PHRF1: variants seen among roughly 807,000 people sequenced by gnomAD.
PHRF1 encodes the protein PHD and ring finger domains 1, also known as PHD and RING finger domain-containing protein 1.
PHRF1 carries 53 observed loss-of-function variants against 128.9 expected under a neutral mutation model. The ratio of observed to expected loss-of-function variants is 0.41; its 90% CI spans 0.33 to 0.52. The LOEUF is 0.52. PHRF1 is among the 20% of genes least tolerant of loss of function. The pLI, the probability that PHRF1 is intolerant of heterozygous loss-of-function variation, is 0.21. For synonymous variants in PHRF1, 1,178 were observed against 980.6 expected, an observed-to-expected ratio of 1.20 and a Z score of -3.76; for missense variants, 2,503 against 2,284.5, an observed-to-expected ratio of 1.10 and a Z score of -1.95.
chr11:603,788 G>GC (rs1233507242), intron 10 of PHRF1, among the ~76,000 whole-genome samples: 1 of 129,324 alleles, frequency 7.7e-6, no homozygotes, highest in Non-Finnish European at 1.5e-5. Flanking sequence ...AGGCTGGAGT[G>GC]CAGTAGTATG....
Position 604,663 on chromosome 11 carries a change from C to T in PHRF1, c.1153-456C>T, listed in dbSNP as rs112119506. 9.5e-3 allele frequency among the ~76,000 whole-genome samples: 1,439 copies of T among 152,118 alleles called. 18 individuals are homozygous for T. Among genetic ancestry groups the T allele is most frequent in the African/African-American group, 0.033 (1,362 of 41,476 alleles). On this transcript the variant is annotated intron_variant, in intron 10 of 17. Coordinates refer to ENST00000264555, the MANE Select transcript of PHRF1 (RefSeq NM_001286581.2). ...CTGAGTAGCTGGGATTACAGGCGTC[C>T]GCCACCAGGCCCAGCTAATTTTTGT...
intron 14 of PHRF1, 51 bp downstream of exon 14, chr11:609,771 C>T: frequency 8.0e-7 from 1 of 1,256,332 alleles, no homozygotes; most frequent in South Asian, 1.6e-5. Context: ...GTGAGTAAGG[C>T]CCTGGCCCCC....
chr11:594,609 A>G (rs113060621), intron 6 of PHRF1, among the ~76,000 whole-genome samples: 5,966 of 152,180 alleles, frequency 0.039, 402 homozygotes, highest in African/African-American at 0.14. Context: ...TTACAGGCAC[A>G]TGCCACCACA....
At chr11:601,751 C>G in intron 10 of PHRF1, 50 bp downstream of exon 10, 1 of 1,608,478 alleles carries the variant, frequency 6.2e-7, no homozygotes, top group East Asian at 2.2e-5. Context: ...ACAGCACCCT[C>G]GCGTGGTTAC....
In PHRF1 at chr11:597,149, CT is replaced by C. The variant is rs1855330029; in HGVS notation, c.718+130del. 2.8e-6 allele frequency: 3 copies of C among 1,083,966 alleles called. No homozygotes were observed. In the South Asian group the frequency reaches 4.5e-5, roughly 16 times the overall value. 67.1% of individuals were successfully genotyped at this position (1,083,966 alleles called of 1,614,324 possible). ...GCTGTCTCATGGGGGTTAGGGTTGG[CT>C]GCGGTGTCGGGAGGACATCTAGGGC... On this transcript the variant is annotated intron_variant, in intron 7 of 17. Coordinates refer to ENST00000264555, the MANE Select transcript of PHRF1 (RefSeq NM_001286581.2). This position sits in a 1 kb window ranked among gnomAD's most constrained non-coding sequence, Gnocchi z 6.5.
Position 608,239 on chromosome 11 carries a change from T to A in PHRF1, c.2783T>A (p.Leu928Gln). ...EREEPTESQGLAARLRRPSPP... is the reference protein window; with the variant it reads ...EREEPTESQGQAARLRRPSPP... ...GAGGAGCCCACAGAGAGCCAGGGCC[T>A]GGCTGCCCGGCTGCGGAGGCCATCC... The change falls in exon 14 of 18, where the codon CTG becomes CAG. Residue 928 changes from leucine (L) to glutamine (Q), a missense_variant. Transcript: ENST00000264555. 1 of 1,609,958 alleles carries A rather than the reference T, an allele frequency of 6.2e-7. No homozygotes were observed. The highest frequency in any genetic ancestry group is 1.1e-5 in the South Asian group (1 of 91,056).
rs369359432 is a variant in PHRF1 at position 610,507 on chromosome 11, A to G, written c.4423A>G (p.Ser1475Gly). Residue 1475 changes from serine (S) to glycine (G), a missense_variant, in exon 16 of 18, where the codon AGC (serine) becomes GGC (glycine). Physicochemically the swap from Ser to Gly is moderately conservative, Grantham distance 56. Transcript: ENST00000264555. ...GCAGGGGTGTCCCTCCCAGGTTTAC[A>G]GCCCCGGCCTGCCGCCTGCCCCGGC... ...FPDTDPSQVYSPGLPPAPAQP... is the reference protein window; with the variant it reads ...FPDTDPSQVYGPGLPPAPAQP... 6.2e-7 allele frequency: 1 copy of G among 1,602,462 alleles called. No individual in the cohort carries two copies. Among genetic ancestry groups the G allele is most frequent in the African/African-American group, 1.3e-5 (1 of 74,938 alleles).
chr11:581,552 C>T lies in PHRF1; in HGVS notation c.40C>T (p.Pro14Ser), dbSNP rs760382265. The T allele has an allele frequency of 8.1e-6, 13 of 1,613,388 alleles. No individual in the cohort carries two copies. Among genetic ancestry groups the T allele is most frequent in the Middle Eastern group, 1.6e-4 (1 of 6,082 alleles). ...CCTGGATGAGCTTGTGGCCCGGAGC[C>T]CAGGGCCGGATGGACACCCACAGGT... ...DSLDELVARS[P>S]GPDGHPQVGP... Residue 14 changes from proline to serine, a missense_variant, in exon 2 of 18, where the codon CCA becomes TCA. Pro to Ser is a moderately conservative substitution (Grantham distance 74). Transcript: ENST00000264555.
chr11:607,244 G>C lies in PHRF1; in HGVS notation c.1788G>C (p.Ala596=), dbSNP rs772093175. ...GGTCCCGCACCCCCGCCCGCACCGC[G>C]GGGGCGCCTGTGAGGCTGGACTTGC... The part of the protein sequence containing the change: ...QGRSRTPART[A]GAPVRLDLPA... The change falls in exon 14 of 18, where the codon GCG becomes GCC. Residue 596 remains alanine, a synonymous_variant. Coordinates refer to ENST00000264555, the MANE Select transcript of PHRF1 (RefSeq NM_001286581.2). The C allele has an allele frequency of 6.2e-6, 10 of 1,612,402 alleles. No individual in the cohort carries two copies. Among genetic ancestry groups the C allele is most frequent in the South Asian group, 2.2e-5 (2 of 91,068 alleles).
intron 4 of PHRF1, among the ~76,000 whole-genome samples, chr11:587,824 C>T (rs990198121): frequency 6.6e-6 from 1 of 152,176 alleles, no homozygotes. Context: ...ATGTGGTTCT[C>T]TCAGTTGATA....
Position 610,492 on chromosome 11 carries a change from C to A in PHRF1, c.4417-9C>A. The A allele has an allele frequency of 6.2e-7, 1 of 1,600,718 alleles. No homozygotes were observed. The highest frequency in any genetic ancestry group is 8.5e-7 in the Non-Finnish European group (1 of 1,175,984). ...AGGGCCCAGTGCTCAGCAGGGGTGT[C>A]CCTCCCAGGTTTACAGCCCCGGCCT... On this transcript the variant is annotated splice_polypyrimidine_tract_variant and intron_variant, in intron 15 of 17. Coordinates refer to ENST00000264555, the MANE Select transcript of PHRF1 (RefSeq NM_001286581.2).
chr11:606,655 C>T (rs1283711348), intron 13 of PHRF1, 59 bp downstream of exon 13: 6 of 1,537,846 alleles, frequency 3.9e-6, no homozygotes, highest in Admixed American at 1.9e-5. Flanking sequence ...TCAGGCTGTT[C>T]GCAAGCACTC....
intron 3 of PHRF1, among the ~76,000 whole-genome samples, chr11:585,909 T>G (rs1389297077): frequency 6.6e-6 from 1 of 152,098 alleles, no homozygotes; most frequent in Admixed American, 6.6e-5. Flanking sequence ...TTGCCCAGGC[T>G]GGAGTGCAAT....
At position 610,651 on chromosome 11, in the gene PHRF1, G is replaced by C. The variant is rs202209293; in HGVS notation, c.4567G>C (p.Ala1523Pro). 4.4e-6 allele frequency: 7 copies of C among 1,604,290 alleles called. No homozygotes were observed. The highest frequency in any genetic ancestry group is 1.7e-4 in the Middle Eastern group (1 of 6,060). ...AGCACAGACCCTGGCCCCAGTGCCC[G>C]CTGCCCTGACCCCAGCCTCAGAGCC... is the stretch of plus-strand genomic sequence containing the variant. ...GAAQTLAPVP[A>P]ALTPASEPAS... The change falls in exon 16 of 18, where the codon GCT becomes CCT. Residue 1523 changes from alanine (A) to proline (P), a missense_variant. Ala to Pro is a conservative substitution (Grantham distance 27). Transcript: ENST00000264555.
intron 1 of PHRF1, among the ~76,000 whole-genome samples, chr11:578,905 A>G (rs1854044716): frequency 6.6e-6 from 1 of 151,490 alleles, no homozygotes; most frequent in African/African-American, 2.4e-5. Context: ...AGTGGCATGT[A>G]GTGGCGCGAT....
chr11:606,649 G>T (rs1445371954), intron 13 of PHRF1, 53 bp downstream of exon 13: 4 of 1,548,538 alleles, frequency 2.6e-6, no homozygotes, highest in South Asian at 2.4e-5. Flanking sequence ...TGGTCCTCAG[G>T]CTGTTCGCAA....
intron 16 of PHRF1, 47 bp downstream of exon 16, chr11:610,808 GA>G (rs1856334968): frequency 1.3e-6 from 2 of 1,589,836 alleles, no homozygotes; most frequent in African/African-American, 2.7e-5. Context: ...ATCTTACTTT[GA>G]AACTAAAGTT....
chr11:603,205 C>A (rs1240093211), intron 10 of PHRF1, among the ~76,000 whole-genome samples: 1 of 151,782 alleles, frequency 6.6e-6, no homozygotes, highest in African/African-American at 2.4e-5. Flanking sequence ...ACAGGCATAG[C>A]CCACCGTGCC....
Position 608,735 on chromosome 11 carries a change from G to C in PHRF1, c.3279G>C (p.Ser1093=). 1 of 1,611,156 alleles carries C rather than the reference G, an allele frequency of 6.2e-7. No homozygotes were observed. Among genetic ancestry groups the C allele is most frequent in the Non-Finnish European group, 8.5e-7 (1 of 1,179,412 alleles). ...GCCGGAGGACGTCCCGGTCGCGGTC[G>C]GGGAGCCCTGGCAGCTCTTCCTATG... The part of the protein sequence containing the change: ...GHSRRTSRSR[S]GSPGSSSYEH... The change falls in exon 14 of 18, where the codon TCG becomes TCC. Residue 1093 remains serine, a synonymous_variant. Transcript: ENST00000264555.
Sources: gnomAD v4.1 joint callset for allele counts (sites outside exome capture counted in the v4.1 genomes callset) on GRCh38, gnomAD v4.1.1 for gene constraint, Gnocchi (gnomAD v3.1) non-coding constraint, MANE v1.5 for transcripts, NCBI Gene and HGNC (gene_info 2026-07-23, HGNC 2026-07-21) for gene names.